CNTNAP2: variants seen among roughly 807,000 people sequenced by gnomAD.
The protein encoded by CNTNAP2 is contactin-associated protein-like 2.
In CNTNAP2, 98 loss-of-function variants were observed where a neutral mutation model predicts 155.2. The ratio of observed to expected loss-of-function variants is 0.63; its 90% CI spans 0.54 to 0.75. The LOEUF (loss-of-function observed/expected upper bound fraction) is 0.75. Ranked by LOEUF, CNTNAP2 falls within the 30% of genes least tolerant of loss-of-function variation. The pLI, the probability that CNTNAP2 is intolerant of heterozygous loss-of-function variation, is 0.00. For synonymous variants in CNTNAP2, 651 were observed against 631.2 expected, an observed-to-expected ratio of 1.03 and a Z score of -0.47; for missense variants, 1,727 against 1,688.1, an observed-to-expected ratio of 1.02 and a Z score of -0.40.
At chr7:146,583,766 T>C (rs1563144514) in intron 1 of CNTNAP2, among the ~76,000 whole-genome samples, 1 of 152,214 alleles carries the variant, frequency 6.6e-6, no homozygotes, top group Non-Finnish European at 1.5e-5. Flanking sequence ...CTTAGCTCTA[T>C]GCTTTATTCA....
At chr7:146,528,058 T>G (rs1350405298) in intron 1 of CNTNAP2, among the ~76,000 whole-genome samples, 9 of 152,158 alleles carry the variant, frequency 5.9e-5, no homozygotes, top group African/African-American at 2.2e-4. Context: ...TTGATATAAT[T>G]ACCAGAGTCT....
At chr7:146,755,914 A>G (rs1051024415) in intron 1 of CNTNAP2, among the ~76,000 whole-genome samples, 2 of 151,896 alleles carry the variant, frequency 1.3e-5, no homozygotes, top group African/African-American at 4.8e-5. Context: ...ATCGTTGTCC[A>G]TTTTCTAAAA....
chr7:148,211,228 G>A (rs1195246089), intron 18 of CNTNAP2, among the ~76,000 whole-genome samples: 1 of 152,230 alleles, frequency 6.6e-6, no homozygotes, highest in Non-Finnish European at 1.5e-5. Context: ...GCATGGTTCT[G>A]GCTCCCAGGA....
intron 14 of CNTNAP2, among the ~76,000 whole-genome samples, chr7:147,931,868 T>C (rs902444641): frequency 2.0e-5 from 3 of 152,238 alleles, no homozygotes; most frequent in Admixed American, 1.3e-4. Context: ...CATTCTTTTT[T>C]CTTTATTTTA....
At chr7:147,192,998 G>C (rs1174723664) in intron 8 of CNTNAP2, among the ~76,000 whole-genome samples, 1 of 152,024 alleles carries the variant, frequency 6.6e-6, no homozygotes, top group Non-Finnish European at 1.5e-5. Flanking sequence ...AGATATCTTG[G>C]AAAAAAACGC....
intron 4 of CNTNAP2, among the ~76,000 whole-genome samples, chr7:147,051,692 A>C (rs943107105): frequency 2.0e-5 from 3 of 152,100 alleles, no homozygotes; most frequent in African/African-American, 7.2e-5. Context: ...CAGTGTACAA[A>C]AATATACAAA....
rs571653908 is a variant in CNTNAP2 at position 146,151,847 on chromosome 7, A to G, written c.97+34874A>G. Among the ~76,000 whole-genome samples the G allele has an allele frequency of 5.6e-4, 84 of 150,828 alleles. No individual in the cohort carries two copies. The East Asian group carries it at 0.016, about 29-fold the overall frequency. On this transcript the variant is annotated intron_variant, in intron 1 of 23. Coordinates refer to ENST00000361727, the MANE Select transcript of CNTNAP2 (RefSeq NM_014141.6). ...TACATTATTACTTAGAATAGCTATC[A>G]TCAGAAAGACAAAAGATAATAAGTC... is the stretch of plus-strand genomic sequence containing the variant.
intron 8 of CNTNAP2, among the ~76,000 whole-genome samples, chr7:147,216,172 A>C (rs911499218): frequency 1.1e-4 from 17 of 151,760 alleles, no homozygotes; most frequent in Admixed American, 1.1e-3. Flanking sequence ...GCAAAGCAGA[A>C]ATTTTTAGTT....
At chr7:146,539,810 T>C (rs1797924349) in intron 1 of CNTNAP2, among the ~76,000 whole-genome samples, 1 of 152,156 alleles carries the variant, frequency 6.6e-6, no homozygotes, top group African/African-American at 2.4e-5. Context: ...GAGTAAAATA[T>C]TCCACAAAGT....
intron 1 of CNTNAP2, among the ~76,000 whole-genome samples, chr7:146,452,972 A>T (rs938788761): frequency 3.3e-5 from 5 of 152,216 alleles, no homozygotes; most frequent in African/African-American, 1.2e-4. Flanking sequence ...GAGACCTACA[A>T]CAGCCCCAGC....
chr7:146,900,372 C>T (rs928570778), intron 3 of CNTNAP2, among the ~76,000 whole-genome samples: 2 of 152,196 alleles, frequency 1.3e-5, no homozygotes, highest in Non-Finnish European at 2.9e-5. Flanking sequence ...AGCCTTCCTG[C>T]TTCTAGTCCT....
chr7:146,908,943 A>G (rs539432898), intron 3 of CNTNAP2, among the ~76,000 whole-genome samples: 2 of 149,042 alleles, frequency 1.3e-5, no homozygotes, highest in Admixed American at 1.3e-4. Flanking sequence ...AGAATCAAAT[A>G]GACACAATAA....
intron 1 of CNTNAP2, among the ~76,000 whole-genome samples, chr7:146,341,570 T>A (rs1459429486): frequency 6.6e-6 from 1 of 152,122 alleles, no homozygotes; most frequent in Admixed American, 6.5e-5. Context: ...TAAAACAATT[T>A]AATCACACAT....
At chr7:146,520,307 T>C (rs1055477962) in intron 1 of CNTNAP2, among the ~76,000 whole-genome samples, 3 of 62,350 alleles carry the variant, frequency 4.8e-5, no homozygotes, top group African/African-American at 1.5e-4. Context: ...GATATCTAGA[T>C]ATATTCATAT....
At chr7:146,734,595 A>G (rs550512763) in intron 1 of CNTNAP2, among the ~76,000 whole-genome samples, 4 of 152,310 alleles carry the variant, frequency 2.6e-5, no homozygotes, top group African/African-American at 9.6e-5. Flanking sequence ...TCCTACATCA[A>G]GGAAATAGAT....
At chr7:146,862,314 C>A (rs1218600453) in intron 3 of CNTNAP2, among the ~76,000 whole-genome samples, 1 of 152,062 alleles carries the variant, frequency 6.6e-6, no homozygotes, top group Non-Finnish European at 1.5e-5. Flanking sequence ...AGAGCTGTAG[C>A]ATTTGGACCT....
At chr7:147,923,541 T>C (rs1800323655) in intron 14 of CNTNAP2, among the ~76,000 whole-genome samples, 1 of 152,114 alleles carries the variant, frequency 6.6e-6, no homozygotes, top group Non-Finnish European at 1.5e-5. Context: ...AGAGGTGGCA[T>C]CTCGGTCTGT....
chr7:147,571,527 A>G (rs2190003), intron 12 of CNTNAP2, among the ~76,000 whole-genome samples: 67,527 of 151,758 alleles, frequency 0.44, 15,224 homozygotes, highest in East Asian at 0.61. Flanking sequence ...TAATTTTTCA[A>G]TGTAAAGTCT....
At chr7:148,283,284 AAAGAAAGAAAGAAAGAAAGAAAGG>A (rs1797014228) in intron 21 of CNTNAP2, among the ~76,000 whole-genome samples, 4 of 109,114 alleles carry the variant, frequency 3.7e-5, no homozygotes, top group African/African-American at 1.7e-4. Context: ...AGAAAGAAAG[AAAGAAAGAAAGAAAGAAAGAAAGG>A]AAGGAAGGAA....
Sources: gnomAD v4.1 joint callset for allele counts (sites outside exome capture counted in the v4.1 genomes callset) on GRCh38, gnomAD v4.1.1 for gene constraint, MANE v1.5 for transcripts, NCBI Gene and HGNC (gene_info 2026-07-23, HGNC 2026-07-21) for gene names.